The following CAMKMT variants were observed in gnomAD, a reference collection of about 807,000 sequenced individuals.
The protein encoded by CAMKMT is calmodulin-lysine N-methyltransferase.
CAMKMT carries 53 observed loss-of-function variants against 48.0 expected under a neutral mutation model. The ratio of observed to expected loss-of-function variants is 1.10; its 90% CI spans 0.89 to 1.39. The LOEUF (loss-of-function observed/expected upper bound fraction) is 1.39, where lower values mean the gene tolerates loss of function less well. CAMKMT is among the 40% of genes most tolerant of loss of function. The pLI is 0.00. For missense variants in CAMKMT, 428 were observed against 402.7 expected (o/e 1.06, Z -0.54); for synonymous variants, 165 against 152.3 (o/e 1.08, Z -0.61).
chr2:44,561,278 A>C (rs1572802982), intron 3 of CAMKMT, among the ~76,000 whole-genome samples: 1 of 152,232 alleles, frequency 6.6e-6, no homozygotes, highest in African/African-American at 2.4e-5. Flanking sequence ...TTTTGTATCT[A>C]GACTTAGAAA....
chr2:44,654,758 A>G (rs1573003155), intron 3 of CAMKMT, among the ~76,000 whole-genome samples: 2 of 152,150 alleles, frequency 1.3e-5, no homozygotes, highest in Non-Finnish European at 2.9e-5. Context: ...CGAGTGATCC[A>G]CCTGCTTCGG....
At chr2:44,654,689 T>A (rs1265737375) in intron 3 of CAMKMT, among the ~76,000 whole-genome samples, 1 of 152,100 alleles carries the variant, frequency 6.6e-6, no homozygotes, top group Non-Finnish European at 1.5e-5. Context: ...ATTTTTTGTA[T>A]TTTTTGGTAG....
chr2:44,362,532 G>A (rs1678015110), intron 1 of CAMKMT, among the ~76,000 whole-genome samples: 1 of 152,068 alleles, frequency 6.6e-6, no homozygotes, highest in African/African-American at 2.4e-5. Context: ...TTAACTCCCA[G>A]CCTGGTTCGA....
At chr2:44,564,212 C>T (rs1281437438) in intron 3 of CAMKMT, among the ~76,000 whole-genome samples, 2 of 147,720 alleles carry the variant, frequency 1.4e-5, no homozygotes, top group African/African-American at 5.0e-5. Flanking sequence ...ATCTCACTCT[C>T]TTGCCCAGGC....
chr2:44,409,906 G>C (rs1286773048), intron 3 of CAMKMT, among the ~76,000 whole-genome samples: 2 of 152,086 alleles, frequency 1.3e-5, no homozygotes, highest in Non-Finnish European at 2.9e-5. Context: ...GGGGTATAAA[G>C]AGAAATAATA....
chr2:44,517,926 C>T (rs1025723969), intron 3 of CAMKMT, among the ~76,000 whole-genome samples: 1 of 151,994 alleles, frequency 6.6e-6, no homozygotes, highest in Non-Finnish European at 1.5e-5. Context: ...TTTTCAATAC[C>T]CCGTCTCCAT....
intron 7 of CAMKMT, among the ~76,000 whole-genome samples, chr2:44,738,681 T>C (rs1185469786): frequency 6.6e-6 from 1 of 152,208 alleles, no homozygotes; most frequent in Non-Finnish European, 1.5e-5. Context: ...GCTTATATTC[T>C]AGTGGGGAAA....
At chr2:44,760,610 CA>C (rs1162341532) in intron 9 of CAMKMT, among the ~76,000 whole-genome samples, 9,566 of 60,318 alleles carry the variant, frequency 0.16, 280 homozygotes, top group African/African-American at 0.24. Context: ...GATTCCATCT[CA>C]AAAAAAAAAA....
At chr2:44,683,181 G>C (rs902909466) in intron 3 of CAMKMT, among the ~76,000 whole-genome samples, 1 of 150,606 alleles carries the variant, frequency 6.6e-6, no homozygotes, top group Non-Finnish European at 1.5e-5. Context: ...AGGAGGCAGG[G>C]TTTCTATAAA....
At chr2:44,421,393 G>C (rs901129566) in intron 3 of CAMKMT, among the ~76,000 whole-genome samples, 3 of 152,040 alleles carry the variant, frequency 2.0e-5, no homozygotes, top group Non-Finnish European at 4.4e-5. Flanking sequence ...ATAAACTAAA[G>C]ATCCTCTCTC....
chr2:44,718,701 G>T (rs1678300689), intron 7 of CAMKMT, among the ~76,000 whole-genome samples: 1 of 152,162 alleles, frequency 6.6e-6, no homozygotes, highest in African/African-American at 2.4e-5. Flanking sequence ...GTTAATATTA[G>T]TTGAGAGTTC....
At chr2:44,767,572 G>T in intron 10 of CAMKMT, among the ~76,000 whole-genome samples, 1 of 152,144 alleles carries the variant, frequency 6.6e-6, no homozygotes, top group Admixed American at 6.5e-5. Flanking sequence ...GTTCCATTTA[G>T]CCTCTGGGGG....
At chr2:44,759,189 T>C (rs1680507912) in intron 9 of CAMKMT, among the ~76,000 whole-genome samples, 1 of 152,176 alleles carries the variant, frequency 6.6e-6, no homozygotes, top group Non-Finnish European at 1.5e-5. Flanking sequence ...AGTGGCACCA[T>C]CACTGCTCAC....
intron 3 of CAMKMT, among the ~76,000 whole-genome samples, chr2:44,563,181 C>T (rs1668416262): frequency 6.6e-6 from 1 of 151,820 alleles, no homozygotes; most frequent in Non-Finnish European, 1.5e-5. Flanking sequence ...AATCCCACAA[C>T]TTAGAGGTAT....
intron 3 of CAMKMT, among the ~76,000 whole-genome samples, chr2:44,397,796 A>C (rs757962939): frequency 3.3e-5 from 5 of 152,222 alleles, no homozygotes; most frequent in African/African-American, 7.2e-5. Context: ...AATTGGAATG[A>C]TTCTTTGACA....
chr2:44,691,214 C>A (rs760862873), intron 3 of CAMKMT, among the ~76,000 whole-genome samples: 1 of 152,278 alleles, frequency 6.6e-6, no homozygotes, highest in Middle Eastern at 3.4e-3. Context: ...TGGCTATGAC[C>A]GCCGTGCATT....
chr2:44,698,386 C>T (rs1279385911), intron 3 of CAMKMT, among the ~76,000 whole-genome samples: 1 of 152,190 alleles, frequency 6.6e-6, no homozygotes, highest in Non-Finnish European at 1.5e-5. Flanking sequence ...TCACTCAGTA[C>T]AGGCATACCT....
chr2:44,365,219 C>T (rs1678464061), intron 1 of CAMKMT, among the ~76,000 whole-genome samples: 1 of 152,090 alleles, frequency 6.6e-6, no homozygotes, highest in African/African-American at 2.4e-5. Context: ...CTTGTTTTTT[C>T]CTTTAAAATT....
At chr2:44,611,844 A>G (rs28709528) in intron 3 of CAMKMT, among the ~76,000 whole-genome samples, 5,681 of 151,960 alleles carry the variant, frequency 0.037, 357 homozygotes, top group African/African-American at 0.13. Context: ...GCAGGAGCAA[A>G]TGAGGTTGGG....
Sources: allele counts gnomAD v4.1 joint callset (sites outside exome capture counted in the v4.1 genomes callset), GRCh38; gene constraint gnomAD v4.1.1; transcripts MANE v1.5; gene names NCBI Gene and HGNC (gene_info 2026-07-23, HGNC 2026-07-21).